RERE: variants seen among roughly 807,000 people sequenced by gnomAD.
The protein encoded by RERE is arginine-glutamic acid dipeptide repeats protein.
Under a neutral mutation model 146.1 loss-of-function variants are expected in RERE, and 40 were observed. That is an observed-to-expected ratio of 0.27 (90% confidence interval 0.21 to 0.36). RERE has a LOEUF of 0.36. RERE is among the 10% of genes least tolerant of loss of function. RERE has a pLI of 1.00. For synonymous variants in RERE, 1,003 were observed against 866.0 expected (o/e 1.16, Z -2.78); for missense variants, 1,933 against 2,138.7 (o/e 0.90, Z 1.90).
At chr1:8,548,788 A>C (rs1274322949) in intron 6 of RERE, among the ~76,000 whole-genome samples, 1 of 151,908 alleles carries the variant, frequency 6.6e-6, no homozygotes, top group Non-Finnish European at 1.5e-5. Flanking sequence ...CTCAAGACCA[A>C]CCTGGCCAAG....
chr1:8,524,226 C>A (rs1645542975), intron 7 of RERE, among the ~76,000 whole-genome samples: 1 of 152,140 alleles, frequency 6.6e-6, no homozygotes, highest in African/African-American at 2.4e-5. Flanking sequence ...GGGAAGAAAG[C>A]CCTCACATGG....
chr1:8,441,109 T>C (rs1290237543), intron 11 of RERE, among the ~76,000 whole-genome samples: 2 of 151,746 alleles, frequency 1.3e-5, no homozygotes, highest in East Asian at 1.9e-4. Context: ...TCCAGTGCAA[T>C]ATGCAGCCCG....
chr1:8,804,307 G>C (rs942865184), intron 1 of RERE, among the ~76,000 whole-genome samples: 1 of 152,196 alleles, frequency 6.6e-6, no homozygotes, highest in Non-Finnish European at 1.5e-5. Flanking sequence ...GCCATCGTTA[G>C]ATCAAGACAA....
At chr1:8,534,196 G>A (rs544434315) in intron 7 of RERE, among the ~76,000 whole-genome samples, 2 of 152,168 alleles carry the variant, frequency 1.3e-5, no homozygotes, top group African/African-American at 4.8e-5. Context: ...AGGTGTTTTA[G>A]ATTGTTAACT....
At chr1:8,430,781 G>T (rs1025693200) in intron 11 of RERE, among the ~76,000 whole-genome samples, 2 of 152,202 alleles carry the variant, frequency 1.3e-5, no homozygotes, top group African/African-American at 4.8e-5. Context: ...ACTCTCCAAG[G>T]TAAGTGTAAC....
At chr1:8,440,165 C>A (rs1644227103) in intron 11 of RERE, among the ~76,000 whole-genome samples, 1 of 152,220 alleles carries the variant, frequency 6.6e-6, no homozygotes, top group South Asian at 2.1e-4. Context: ...TTCCATGAAA[C>A]CACTGTATTG....
At chr1:8,402,516 G>A (rs762071611) in intron 12 of RERE, among the ~76,000 whole-genome samples, 4 of 152,160 alleles carry the variant, frequency 2.6e-5, no homozygotes, top group South Asian at 2.1e-4. Context: ...GTCATGCAAC[G>A]GTGGACAGCT....
At chr1:8,577,105 G>C (rs1019838688) in intron 4 of RERE, among the ~76,000 whole-genome samples, 23 of 151,590 alleles carry the variant, frequency 1.5e-4, no homozygotes, top group Non-Finnish European at 2.1e-4. Context: ...GGAGGCGGAG[G>C]TTGCAGTGAG....
At chr1:8,366,922 A>AC (rs1231611526) in intron 12 of RERE, among the ~76,000 whole-genome samples, 43 of 149,738 alleles carry the variant, frequency 2.9e-4, no homozygotes, top group African/African-American at 6.2e-4. Flanking sequence ...AAAACAAAAA[A>AC]AAAAAACAAA....
rs1641725813 is a variant in RERE at position 8,364,598 on chromosome 1, T to G, written c.1540+148A>C. The G allele has an allele frequency of 3.0e-6, 2 of 670,098 alleles. No homozygotes were observed. The highest frequency in any genetic ancestry group is 4.4e-5 in the Admixed American group (2 of 45,812). 41.5% of individuals were successfully genotyped at this position (670,098 alleles called of 1,614,324 possible). A position where few individuals can be genotyped will look rare whatever the true frequency, so the allele number is the denominator to read the frequency against. On this transcript the variant is annotated intron_variant, in intron 14 of 22. Coordinates refer to ENST00000400908, the MANE Select transcript of RERE (RefSeq NM_001042681.2). This position sits in a 1 kb window ranked among gnomAD's most constrained non-coding sequence, Gnocchi z 5.1. Reference sequence around the variant, plus strand: ...GCAGAGGAGTAAAGTAAACTAAACATTTCTAACTTTCTCGAATCCCGAAGC... The same window carrying G: ...GCAGAGGAGTAAAGTAAACTAAACAGTTCTAACTTTCTCGAATCCCGAAGC...
intron 11 of RERE, among the ~76,000 whole-genome samples, chr1:8,454,648 T>TA (rs956353383): frequency 6.6e-6 from 1 of 151,726 alleles, no homozygotes; most frequent in Non-Finnish European, 1.5e-5. Flanking sequence ...CTACTAAAAA[T>TA]ACAAAAATTG....
intron 1 of RERE, among the ~76,000 whole-genome samples, chr1:8,722,225 C>G (rs1333971378): frequency 6.6e-6 from 1 of 152,208 alleles, no homozygotes; most frequent in Non-Finnish European, 1.5e-5. Context: ...ACGCACAGGT[C>G]TTCCTGCCTC....
At chr1:8,440,362 G>A (rs917568758) in intron 11 of RERE, among the ~76,000 whole-genome samples, 2 of 152,130 alleles carry the variant, frequency 1.3e-5, no homozygotes, top group African/African-American at 4.8e-5. Context: ...GGAGGCCGAG[G>A]CAGGCGGACA....
intron 4 of RERE, among the ~76,000 whole-genome samples, chr1:8,564,870 G>GTGTGTGTGTATATA (rs1269710840): frequency 1.6e-5 from 2 of 127,404 alleles, no homozygotes; most frequent in Non-Finnish European, 3.3e-5. Flanking sequence ...GTGTGTGTGT[G>GTGTGTGTGTATATA]TATATATATA....
At chr1:8,547,178 CTG>C (rs1645874502) in intron 6 of RERE, among the ~76,000 whole-genome samples, 2 of 151,534 alleles carry the variant, frequency 1.3e-5, no homozygotes, top group South Asian at 4.1e-4. Context: ...TATAAAGCCT[CTG>C]TAATTCAGAG....
rs141820919 is a variant in RERE, at chr1:8,492,639, C to G, written c.1104+2424G>C. Among the ~76,000 whole-genome samples, 1,297 of 152,306 alleles carry G rather than the reference C, an allele frequency of 8.5e-3. 8 individuals carry two copies. The highest frequency in any genetic ancestry group is 0.015 in the Non-Finnish European group (1,000 of 68,026). Reference sequence around the variant, plus strand: ...AAAAGGCCAGGTGCAGTGGCACACACCTGTAATCCCAGCACTTTGGGAGGC... The same window carrying G: ...AAAAGGCCAGGTGCAGTGGCACACAGCTGTAATCCCAGCACTTTGGGAGGC... On this transcript the variant is annotated intron_variant, in intron 10 of 22. Transcript: ENST00000400908.
chr1:8,692,497 C>T (rs1639228592), intron 1 of RERE, among the ~76,000 whole-genome samples: 1 of 151,984 alleles, frequency 6.6e-6, no homozygotes, highest in South Asian at 2.1e-4. Flanking sequence ...GAGGCGCCTA[C>T]CACCACATCT....
chr1:8,360,027 A>ACCCACCCCGGCCCTCCCT, intron 18 of RERE, 41 bp from the exon 19 acceptor site: 1 of 1,598,844 alleles, frequency 6.3e-7, no homozygotes, highest in South Asian at 1.1e-5. Flanking sequence ...TCCTGCCGAG[A>ACCCACCCCGGCCCTCCCT]CCCACCCCGG....
At chr1:8,645,375 T>C (rs1461465944) in intron 2 of RERE, among the ~76,000 whole-genome samples, 2 of 152,182 alleles carry the variant, frequency 1.3e-5, no homozygotes, top group Non-Finnish European at 2.9e-5. Flanking sequence ...TTTTCTCTAA[T>C]TTTTGATCTG....
Sources: gnomAD v4.1 joint callset for allele counts (sites outside exome capture counted in the v4.1 genomes callset) on GRCh38, gnomAD v4.1.1 for gene constraint, Gnocchi (gnomAD v3.1) non-coding constraint, MANE v1.5 for transcripts, NCBI Gene and HGNC (gene_info 2026-07-23, HGNC 2026-07-21) for gene names.